Variants in ODAPH observed in about 807,000 individuals in gnomAD.
The protein encoded by ODAPH is odontogenesis associated phosphoprotein.
A neutral mutation model predicts 2.8 loss-of-function variants in ODAPH; 2 were observed. That is an observed-to-expected ratio of 0.72 (90% confidence interval 0.30 to 2.28). The LOEUF (loss-of-function observed/expected upper bound fraction) is 2.28. Ranked by LOEUF, ODAPH falls within the 30% of genes most tolerant of loss-of-function variation. The probability of loss-of-function intolerance (pLI) is 0.13; values close to 1 mark genes in which losing one functional copy is unlikely to be tolerated. For missense variants in ODAPH, 159 were observed against 163.3 expected (o/e 0.97, Z 0.14); for synonymous variants, 75 against 60.3 (o/e 1.24, Z -1.13).
At chr4:75,562,400 C>T (rs758164500) in intron 1 of ODAPH, among the ~76,000 whole-genome samples, 10 of 148,080 alleles carry the variant, frequency 6.8e-5, no homozygotes, top group South Asian at 2.1e-4. Flanking sequence ...AGTGCAATGG[C>T]GCAATCTCGG....
chr4:75,563,953 G>A (rs1399431474), intron 1 of ODAPH, among the ~76,000 whole-genome samples, 161 bp from the exon 2 acceptor site: 2 of 152,192 alleles, frequency 1.3e-5, no homozygotes, highest in Non-Finnish European at 1.5e-5. Flanking sequence ...GTCATCCAGT[G>A]TGTCTGTGTC....
At chr4:75,560,335 G>A (rs1026428482) in intron 1 of ODAPH, among the ~76,000 whole-genome samples, 1 of 152,140 alleles carries the variant, frequency 6.6e-6, no homozygotes, top group African/African-American at 2.4e-5. Context: ...AAATTTTGAG[G>A]GAAATTTGAG....
rs35726140 is a variant in ODAPH at position 75,558,512 on chromosome 4, T to TA, written c.67+2376dup. 9.5e-3 allele frequency among the ~76,000 whole-genome samples: 1,335 copies of TA among 140,798 alleles called. 6 individuals are homozygous for TA. Among genetic ancestry groups the TA allele is most frequent in the African/African-American group, 0.023 (888 of 38,550 alleles). The allele number at this position is 140,798 out of a possible 152,430, so 92.4% of individuals were successfully genotyped here. ...AATAACCACAGAGTATAGGTAATTA[T>TA]AAAAAAAAAAAAAGGTCTTTCATCA... is the stretch of plus-strand genomic sequence containing the variant. On this transcript the variant is annotated intron_variant, in intron 1 of 1. Transcript: ENST00000311623.
intron 1 of ODAPH, among the ~76,000 whole-genome samples, chr4:75,558,810 C>T (rs1204728255): frequency 5.9e-5 from 9 of 152,152 alleles, no homozygotes; most frequent in Non-Finnish European, 1.5e-5. Flanking sequence ...ATTCTCCTGC[C>T]TCAGCCTCCA....
intron 1 of ODAPH, among the ~76,000 whole-genome samples, chr4:75,561,929 C>T (rs1052962190): frequency 2.0e-5 from 3 of 152,176 alleles, no homozygotes; most frequent in Admixed American, 6.5e-5. Flanking sequence ...TCCTCTGTCC[C>T]GGAAGCCTTC....
At chr4:75,556,826 G>A (rs933428952) in intron 1 of ODAPH, among the ~76,000 whole-genome samples, 3 of 151,314 alleles carry the variant, frequency 2.0e-5, no homozygotes, top group South Asian at 2.1e-4. Context: ...GGAAATACAA[G>A]GGGAGGAAAT....
At chr4:75,557,432 G>C (rs2148840398) in intron 1 of ODAPH, among the ~76,000 whole-genome samples, 1 of 152,268 alleles carries the variant, frequency 6.6e-6, no homozygotes, top group East Asian at 1.9e-4. Context: ...CTGAGGTCGG[G>C]AGTTCAAAAC....
intron 1 of ODAPH, among the ~76,000 whole-genome samples, chr4:75,558,345 C>T (rs1727426382): frequency 6.6e-6 from 1 of 152,156 alleles, no homozygotes; most frequent in East Asian, 1.9e-4. Flanking sequence ...TTCTTTCTGG[C>T]TCAAGTCTGA....
chr4:75,558,322 A>G (rs1428673743), intron 1 of ODAPH, among the ~76,000 whole-genome samples: 2 of 152,234 alleles, frequency 1.3e-5, no homozygotes, highest in African/African-American at 4.8e-5. Flanking sequence ...GAGTAAATCA[A>G]TCATAGAACT....
In ODAPH at chr4:75,558,885, G is replaced by A. The variant is rs543117931; in HGVS notation, c.67+2736G>A. ...TAATTTTTGTGTTTTTAGTAGAGAC[G>A]AGGTTTCACCATGTTGGCCAGGCTG... is the stretch of plus-strand genomic sequence containing the variant. On this transcript the variant is annotated intron_variant, in intron 1 of 1. Transcript: ENST00000311623. 6.6e-5 allele frequency among the ~76,000 whole-genome samples: 10 copies of A among 152,170 alleles called. No homozygotes were observed. The East Asian group carries it at 1.5e-3, about 24-fold the overall frequency.
chr4:75,563,551 G>A (rs1307008562), intron 1 of ODAPH, among the ~76,000 whole-genome samples: 1 of 151,946 alleles, frequency 6.6e-6, no homozygotes, highest in Non-Finnish European at 1.5e-5. Context: ...AGTGGTCCCT[G>A]GCTACACTTT....
chr4:75,560,263 T>C (rs1428996545), intron 1 of ODAPH, among the ~76,000 whole-genome samples: 2 of 152,180 alleles, frequency 1.3e-5, no homozygotes, highest in African/African-American at 4.8e-5. Flanking sequence ...ATGAAGCTGA[T>C]TAATCAACTT....
Position 75,564,305 on chromosome 4 carries a change from A to T in ODAPH, c.259A>T (p.Asn87Tyr). 1 of 1,614,188 alleles carries T rather than the reference A, an allele frequency of 6.2e-7. No homozygotes were observed. Among genetic ancestry groups the T allele is most frequent in the Non-Finnish European group, 8.5e-7 (1 of 1,180,024 alleles). ...RRPRIHFRFP[N>Y]RPFVPSRCNH... Reference sequence around the variant, plus strand: ...GCCCAGAATCCATTTTAGGTTTCCAAACAGACCTTTCGTCCCTTCAAGGTG... The same window carrying T: ...GCCCAGAATCCATTTTAGGTTTCCATACAGACCTTTCGTCCCTTCAAGGTG... Residue 87 changes from asparagine (N) to tyrosine (Y), a missense_variant, in exon 2 of 2, where the codon AAC becomes TAC. Physicochemically the swap from Asn to Tyr is moderately radical, Grantham distance 143. Transcript: ENST00000311623.
At chr4:75,556,583 T>A in intron 1 of ODAPH, 1 of 1,534,158 alleles carries the variant, frequency 6.5e-7, no homozygotes, top group Non-Finnish European at 8.7e-7. Flanking sequence ...AATTTGCACA[T>A]GGTGGGTATT....
chr4:75,558,270 T>C (rs1727422530), intron 1 of ODAPH, among the ~76,000 whole-genome samples: 1 of 152,212 alleles, frequency 6.6e-6, no homozygotes, highest in Non-Finnish European at 1.5e-5. Flanking sequence ...AAGATAGTCA[T>C]TCTTTGAGTC....
At chr4:75,559,086 A>G (rs1021260206) in intron 1 of ODAPH, among the ~76,000 whole-genome samples, 1 of 152,212 alleles carries the variant, frequency 6.6e-6, no homozygotes, top group Non-Finnish European at 1.5e-5. Flanking sequence ...GGAACATTCA[A>G]GGTCGGCCTG....
Position 75,564,511 on chromosome 4 carries a change from T to C in ODAPH, c.*72T>C. ...TTCAGAAAAAAGCAACAAAAAGATTTCTGTTTTATCTTTCGAAACTAAAAC... is the reference window on the plus strand; with the variant it reads ...TTCAGAAAAAAGCAACAAAAAGATTCCTGTTTTATCTTTCGAAACTAAAAC... On this transcript the variant is annotated 3_prime_UTR_variant, in exon 2 of 2. Coordinates refer to ENST00000311623, the MANE Select transcript of ODAPH (RefSeq NM_178497.5). 7 of 1,611,738 alleles carry C rather than the reference T, an allele frequency of 4.3e-6. No individual in the cohort carries two copies. The highest frequency in any genetic ancestry group is 5.9e-6 in the Non-Finnish European group (7 of 1,179,732).
rs1727748703 is a variant in ODAPH, at chr4:75,564,732, C to T, written c.*293C>T. ...CTTTAAATGGGTGGCTCTAGTAATT[C>T]CTATCCATACTAAGATGCTGAGAGA... On this transcript the variant is annotated 3_prime_UTR_variant, in exon 2 of 2. Transcript: ENST00000311623. The T allele has an allele frequency of 5.2e-6, 3 of 574,458 alleles. No individual in the cohort carries two copies. Among genetic ancestry groups the T allele is most frequent in the Non-Finnish European group, 9.2e-6 (3 of 327,712 alleles). 35.6% of individuals were successfully genotyped at this position (574,458 alleles called of 1,614,324 possible).
chr4:75,565,583 A>T (rs767906885), downstream of ODAPH: 2 of 152,132 alleles, frequency 1.3e-5, no homozygotes, highest in African/African-American at 2.4e-5. Context: ...AATCCCACAG[A>T]TTGCATTGAT....
Sources: allele counts gnomAD v4.1 joint callset (sites outside exome capture counted in the v4.1 genomes callset), GRCh38; gene constraint gnomAD v4.1.1; transcripts MANE v1.5; gene names NCBI Gene and HGNC (gene_info 2026-07-23, HGNC 2026-07-21).